Variants in MRPL3 observed in about 807,000 individuals in gnomAD.
MRPL3 encodes large ribosomal subunit protein uL3m.
A neutral mutation model predicts 44.3 loss-of-function variants in MRPL3; 43 were observed. That is an observed-to-expected ratio of 0.97 (90% CI 0.76 to 1.25). MRPL3 has a LOEUF of 1.25. Among genes scored for constraint, MRPL3 ranks in the 50% most tolerant of loss-of-function variants. MRPL3 has a pLI of 0.00. For synonymous variants in MRPL3, 171 were observed against 152.3 expected, an observed-to-expected ratio of 1.12 and a Z score of -0.91; for missense variants, 406 against 427.6, an observed-to-expected ratio of 0.95 and a Z score of 0.45.
At chr3:131,477,888 T>C (rs1163741782) in intron 6 of MRPL3, among the ~76,000 whole-genome samples, 4 of 152,196 alleles carry the variant, frequency 2.6e-5, no homozygotes, top group Non-Finnish European at 5.9e-5. Flanking sequence ...TCCATTGTCA[T>C]CATTTCCTCC....
intron 4 of MRPL3, among the ~76,000 whole-genome samples, chr3:131,494,566 T>G (rs1934325328): frequency 6.6e-6 from 1 of 152,160 alleles, no homozygotes; most frequent in Non-Finnish European, 1.5e-5. Flanking sequence ...TCCTTTACTA[T>G]TCTAATAATA....
At chr3:131,484,890 T>C (rs1240096963) in intron 6 of MRPL3, among the ~76,000 whole-genome samples, 1 of 152,206 alleles carries the variant, frequency 6.6e-6, no homozygotes, top group African/African-American at 2.4e-5. Context: ...AAATACCTCA[T>C]GAAGATATGC....
At position 131,469,719 on chromosome 3, in the gene MRPL3, A is replaced by G. The variant is rs1397323040; in HGVS notation, c.793T>C (p.Tyr265His). Reference protein sequence around the residue: ...TKMPGKMGNIYRTEYGLKVWR... With the variant: ...TKMPGKMGNIHRTEYGLKVWR... ...ACTTTCAGTCCATATTCTGTCCTGTATATGTTTCCCATTTTTCCAGGCATT... is the reference window on the plus strand; with the variant it reads ...ACTTTCAGTCCATATTCTGTCCTGTGTATGTTTCCCATTTTTCCAGGCATT... The change falls in exon 8 of 10, where the codon TAC becomes CAC. Residue 265 changes from tyrosine (Y) to histidine (H), a missense_variant. Tyr to His is a moderately conservative substitution (Grantham distance 83, BLOSUM62 2). Transcript: ENST00000264995. The G allele has an allele frequency of 3.1e-6, 5 of 1,612,128 alleles. No individual in the cohort carries two copies. Among genetic ancestry groups the G allele is most frequent in the East Asian group, 2.2e-5 (1 of 44,800 alleles).
chr3:131,471,035 T>C (rs1028908650), intron 7 of MRPL3, 136 bp downstream of exon 7: 40 of 631,364 alleles, frequency 6.3e-5, no homozygotes, highest in African/African-American at 5.9e-4. Flanking sequence ...CAAGGATCCA[T>C]AAAAGGGTGA....
chr3:131,491,021 T>TC (rs1934245462), intron 4 of MRPL3, among the ~76,000 whole-genome samples: 1 of 152,230 alleles, frequency 6.6e-6, no homozygotes, highest in Non-Finnish European at 1.5e-5. Context: ...TTCATTTTTT[T>TC]CCCCTTTCTA....
At chr3:131,477,870 C>G (rs904739387) in intron 6 of MRPL3, among the ~76,000 whole-genome samples, 1 of 152,076 alleles carries the variant, frequency 6.6e-6, no homozygotes, top group Admixed American at 6.5e-5. Flanking sequence ...CTTAACGTCC[C>G]GCTCCTTTCC....
chr3:131,465,377 T>C (rs1005647382), intron 9 of MRPL3, among the ~76,000 whole-genome samples: 31 of 152,206 alleles, frequency 2.0e-4, no homozygotes, highest in African/African-American at 7.2e-4. Flanking sequence ...TTTATACAAC[T>C]ACATCAGAAT....
chr3:131,475,516 T>G (rs1011280443), intron 6 of MRPL3, among the ~76,000 whole-genome samples: 2 of 152,206 alleles, frequency 1.3e-5, no homozygotes, highest in Non-Finnish European at 2.9e-5. Flanking sequence ...ACATTACATG[T>G]ATGACTTAAC....
intron 6 of MRPL3, among the ~76,000 whole-genome samples, chr3:131,483,002 T>C (rs1162574427): frequency 7.2e-6 from 1 of 139,616 alleles, no homozygotes; most frequent in African/African-American, 2.6e-5. Context: ...TTTTTTTTTT[T>C]TACAAGTTAT....
chr3:131,498,630 A>T (rs944397985), intron 3 of MRPL3, among the ~76,000 whole-genome samples: 1 of 136,780 alleles, frequency 7.3e-6, no homozygotes, highest in Admixed American at 8.2e-5. Context: ...AGAACCCGGG[A>T]GGCGGAGCTT....
chr3:131,463,478 A>C (rs1933535488), intron 9 of MRPL3, among the ~76,000 whole-genome samples: 2 of 151,682 alleles, frequency 1.3e-5, no homozygotes, highest in Non-Finnish European at 2.9e-5. Context: ...ACTATTTTAT[A>C]TCATTCTTGA....
At position 131,490,027 on chromosome 3, in the gene MRPL3, C is replaced by T; in HGVS notation, c.522G>A (p.Gln174=). The part of the protein sequence containing the change: ...FYRELGLPPK[Q]TVKIFNITDN... ...CTGTTATATTAAAGATTTTAACTGT[C>T]TGTTTCGGCGGCAATCCAAGTTCCC... The change falls in exon 5 of 10, where the codon CAG becomes CAA. Residue 174 remains glutamine, a synonymous_variant. Transcript: ENST00000264995. The T allele has an allele frequency of 1.2e-6, 2 of 1,612,164 alleles. No homozygotes were observed. The highest frequency in any genetic ancestry group is 1.7e-6 in the Non-Finnish European group (2 of 1,178,622).
chr3:131,469,201 C>T (rs893341058), intron 8 of MRPL3, among the ~76,000 whole-genome samples: 3 of 151,550 alleles, frequency 2.0e-5, no homozygotes, highest in Non-Finnish European at 3.0e-5. Context: ...TTGATTGCCT[C>T]CCACTCTCCT....
chr3:131,495,260 A>C (rs1243581937), intron 4 of MRPL3, among the ~76,000 whole-genome samples: 1 of 152,144 alleles, frequency 6.6e-6, no homozygotes, highest in Admixed American at 6.5e-5. Flanking sequence ...TATAATATGG[A>C]AGTCTGGATA....
chr3:131,491,733 T>C (rs1204115706), intron 4 of MRPL3, among the ~76,000 whole-genome samples: 2 of 152,050 alleles, frequency 1.3e-5, no homozygotes, highest in Non-Finnish European at 2.9e-5. Flanking sequence ...CCCATCCCAA[T>C]GTCAACCTCA....
At chr3:131,495,611 A>C (rs1481948969) in intron 4 of MRPL3, among the ~76,000 whole-genome samples, 1 of 152,160 alleles carries the variant, frequency 6.6e-6, no homozygotes, top group African/African-American at 2.4e-5. Flanking sequence ...AGCTATCAGA[A>C]TAAGCTAAAG....
chr3:131,468,383 T>C (rs1232958206), intron 8 of MRPL3, among the ~76,000 whole-genome samples: 1 of 152,156 alleles, frequency 6.6e-6, no homozygotes, highest in Non-Finnish European at 1.5e-5. Context: ...AAAACTCTCA[T>C]TTTAAATAGA....
chr3:131,471,308 T>C (rs771307088), intron 6 of MRPL3, 29 bp from the exon 7 acceptor site: 3 of 1,465,726 alleles, frequency 2.0e-6, no homozygotes, highest in Non-Finnish European at 9.6e-7. Flanking sequence ...AGAATTTACA[T>C]AATGAAAAGA....
At chr3:131,478,351 T>C (rs1933900787) in intron 6 of MRPL3, among the ~76,000 whole-genome samples, 1 of 152,178 alleles carries the variant, frequency 6.6e-6, no homozygotes, top group African/African-American at 2.4e-5. Context: ...TCTCTCTTCC[T>C]TCAAGTTATC....
Sources: gnomAD v4.1 joint callset for allele counts (sites outside exome capture counted in the v4.1 genomes callset) on GRCh38, gnomAD v4.1.1 for gene constraint, MANE v1.5 for transcripts, NCBI Gene and HGNC (gene_info 2026-07-23, HGNC 2026-07-21) for gene names.